The following SLIT3 variants were observed in gnomAD, a reference collection of about 807,000 sequenced individuals.
SLIT3 encodes slit guidance ligand 3.
In SLIT3, 68 loss-of-function variants were observed where a neutral mutation model predicts 184.0. The ratio of observed to expected loss-of-function variants is 0.37; its 90% CI spans 0.30 to 0.45. The LOEUF (loss-of-function observed/expected upper bound fraction) is 0.45. SLIT3 is among the 20% of genes least tolerant of loss of function. SLIT3 has a pLI of 1.00. For missense variants in SLIT3, 1,707 were observed against 2,026.0 expected (o/e 0.84, Z 3.02); for synonymous variants, 831 against 828.6 (o/e 1.00, Z -0.05).
At chr5:168,822,882 C>T (rs191583932) in intron 7 of SLIT3, among the ~76,000 whole-genome samples, 38 of 152,252 alleles carry the variant, frequency 2.5e-4, no homozygotes, top group Non-Finnish European at 4.4e-4. Context: ...GCTGATGTTA[C>T]GTGACATTAG....
Position 168,772,572 on chromosome 5 carries a change from G to T in SLIT3, c.1459+209C>A, listed in dbSNP as rs1032813700. On this transcript the variant is annotated intron_variant, in intron 14 of 35. Coordinates refer to ENST00000519560, the MANE Select transcript of SLIT3 (RefSeq NM_003062.4). ...GTCTCCTCCTCCCCATGCTTTTATTGTGTGTGTGTGTGTGTGTGTGTGTTT... is the reference window on the plus strand; with the variant it reads ...GTCTCCTCCTCCCCATGCTTTTATTTTGTGTGTGTGTGTGTGTGTGTGTTT... The T allele has an allele frequency of 1.8e-4, 66 of 357,100 alleles. 1 individual carries two copies. Among genetic ancestry groups the T allele is most frequent in the African/African-American group, 1.4e-3 (62 of 44,354 alleles). The allele number at this position is 357,100 out of a possible 1,614,324, so 22.1% of individuals were successfully genotyped here. A position where few individuals can be genotyped will look rare whatever the true frequency, so the allele number is the denominator to read the frequency against.
intron 6 of SLIT3, among the ~76,000 whole-genome samples, chr5:168,825,099 T>G (rs1024053381): frequency 6.6e-6 from 1 of 152,144 alleles, no homozygotes; most frequent in Non-Finnish European, 1.5e-5. Context: ...AGGAAACAGG[T>G]AATGGTACCT....
At chr5:168,794,527 G>A (rs1346630223) in intron 10 of SLIT3, among the ~76,000 whole-genome samples, 1 of 152,196 alleles carries the variant, frequency 6.6e-6, no homozygotes, top group Non-Finnish European at 1.5e-5. Flanking sequence ...CCAGGCTGCT[G>A]TGGTGAGGGA....
At chr5:169,126,255 T>C (rs1270838244) in intron 4 of SLIT3, among the ~76,000 whole-genome samples, 1 of 152,100 alleles carries the variant, frequency 6.6e-6, no homozygotes, top group East Asian at 1.9e-4. Flanking sequence ...AAGTGACAAG[T>C]GCTCTGGAAA....
chr5:169,276,060 T>C (rs1394860639), intron 1 of SLIT3, among the ~76,000 whole-genome samples: 2 of 152,194 alleles, frequency 1.3e-5, no homozygotes, highest in East Asian at 3.9e-4. Context: ...TCTTGCCTCC[T>C]CAATCCAAAA....
At chr5:169,088,986 C>T (rs1221826728) in intron 4 of SLIT3, among the ~76,000 whole-genome samples, 1 of 121,784 alleles carries the variant, frequency 8.2e-6, no homozygotes, top group Non-Finnish European at 1.6e-5. Flanking sequence ...TGCCACTGAA[C>T]TCCAGCCTGG....
At chr5:169,078,255 C>T (rs1758823697) in intron 4 of SLIT3, among the ~76,000 whole-genome samples, 1 of 152,128 alleles carries the variant, frequency 6.6e-6, no homozygotes, top group African/African-American at 2.4e-5. Flanking sequence ...GCAAACCAGC[C>T]AAAAGATTCC....
At chr5:169,115,070 C>G (rs1760605055) in intron 4 of SLIT3, among the ~76,000 whole-genome samples, 1 of 152,166 alleles carries the variant, frequency 6.6e-6, no homozygotes, top group Admixed American at 6.5e-5. Context: ...TTGCAGGGGT[C>G]TCATGAGCTG....
At chr5:169,266,637 G>A (rs1766405590) in intron 1 of SLIT3, among the ~76,000 whole-genome samples, 1 of 152,136 alleles carries the variant, frequency 6.6e-6, no homozygotes, top group Non-Finnish European at 1.5e-5. Flanking sequence ...CTGGGTGGGT[G>A]GGAGGAAGAG....
At chr5:169,094,333 G>A (rs184429798) in intron 4 of SLIT3, among the ~76,000 whole-genome samples, 3 of 152,228 alleles carry the variant, frequency 2.0e-5, no homozygotes, top group East Asian at 1.9e-4. Context: ...ATTGTTTTTC[G>A]AAGCTATAGC....
chr5:169,014,802 T>C (rs1756300056), intron 4 of SLIT3, among the ~76,000 whole-genome samples: 1 of 152,012 alleles, frequency 6.6e-6, no homozygotes, highest in South Asian at 2.1e-4. Flanking sequence ...AATACAAAAA[T>C]TAGTTAGGCG....
At chr5:168,900,592 G>A (rs758084757) in intron 4 of SLIT3, among the ~76,000 whole-genome samples, 1 of 152,166 alleles carries the variant, frequency 6.6e-6, no homozygotes, top group Non-Finnish European at 1.5e-5. Flanking sequence ...TCCAGCCTGG[G>A]AGATGGGAGT....
At chr5:168,704,939 G>T (rs538340272) in intron 26 of SLIT3, among the ~76,000 whole-genome samples, 1 of 152,160 alleles carries the variant, frequency 6.6e-6, no homozygotes, top group Non-Finnish European at 1.5e-5. Flanking sequence ...ATAGCACAGA[G>T]AATTTGATGC....
intron 4 of SLIT3, among the ~76,000 whole-genome samples, chr5:168,932,347 G>A (rs1445779260): frequency 7.6e-6 from 1 of 131,090 alleles, no homozygotes; most frequent in Non-Finnish European, 1.6e-5. Context: ...AGGGGAAAAA[G>A]ACACACACAC....
chr5:169,017,919 G>T (rs1581310535), intron 4 of SLIT3: 1 of 152,224 alleles, frequency 6.6e-6, no homozygotes. Flanking sequence ...GAAAATTCCA[G>T]CAGGACAAAG....
rs569224694 is a variant in SLIT3, at chr5:169,182,949, G to T, written c.413+10530C>A. ...ACCCCACCACAGGTCACAGGGTGCT[G>T]AGAGCAGCACTGATTTTGTGCAGAA... On this transcript the variant is annotated intron_variant, in intron 4 of 35. Coordinates refer to ENST00000519560, the MANE Select transcript of SLIT3 (RefSeq NM_003062.4). Among the ~76,000 whole-genome samples, 5 of 152,324 alleles carry T rather than the reference G, an allele frequency of 3.3e-5. No individual in the cohort carries two copies. The South Asian group carries it at 1.0e-3, about 32-fold the overall frequency.
chr5:168,969,001 T>A (rs1754451046), intron 4 of SLIT3, among the ~76,000 whole-genome samples: 1 of 152,144 alleles, frequency 6.6e-6, no homozygotes, highest in African/African-American at 2.4e-5. Context: ...TGCAGTTTCC[T>A]CCAACTTGGT....
At chr5:168,802,252 T>G (rs1214505047) in intron 9 of SLIT3, among the ~76,000 whole-genome samples, 1 of 152,112 alleles carries the variant, frequency 6.6e-6, no homozygotes, top group Admixed American at 6.5e-5. Context: ...CTCCCTTTTT[T>G]CTCATCTTCC....
chr5:168,975,933 G>C (rs536889357), intron 4 of SLIT3, among the ~76,000 whole-genome samples: 1 of 152,122 alleles, frequency 6.6e-6, no homozygotes, highest in Non-Finnish European at 1.5e-5. Context: ...TAACTTCTAC[G>C]ATCAACTCTA....
Sources: allele counts gnomAD v4.1 joint callset (sites outside exome capture counted in the v4.1 genomes callset), GRCh38; gene constraint gnomAD v4.1.1; transcripts MANE v1.5; gene names NCBI Gene and HGNC (gene_info 2026-07-23, HGNC 2026-07-21).